STAT5A: variants seen among roughly 807,000 people sequenced by gnomAD.
STAT5A encodes epididymis secretory sperm binding protein.
STAT5A carries 26 observed loss-of-function variants against 100.2 expected under a neutral mutation model. The observed-to-expected ratio is 0.26, with a 90% confidence interval of 0.19 to 0.36. STAT5A has a LOEUF of 0.36. Ranked by LOEUF, STAT5A falls within the 10% of genes least tolerant of loss-of-function variation. The pLI, the probability that STAT5A is intolerant of heterozygous loss-of-function variation, is 1.00. For missense variants in STAT5A, 634 were observed against 1,027.5 expected, an observed-to-expected ratio of 0.62 and a Z score of 5.24; for synonymous variants, 330 against 424.3, an observed-to-expected ratio of 0.78 and a Z score of 2.73.
chr17:42,309,712 A>G (rs2081062379), intron 18 of STAT5A: 2 of 471,026 alleles, frequency 4.2e-6, no homozygotes, highest in Admixed American at 3.7e-5. Flanking sequence ...AGCCTCTCTG[A>G]TGCTCAAGTT....
intron 15 of STAT5A, among the ~76,000 whole-genome samples, chr17:42,307,942 G>A (rs2081045636): frequency 6.6e-6 from 1 of 152,202 alleles, no homozygotes. Context: ...GGCTGGGCGA[G>A]TCCTCCTGCA....
intron 13 of STAT5A, 79 bp from the exon 14 acceptor site, chr17:42,307,323 G>A (rs2081038281): frequency 7.0e-7 from 1 of 1,421,796 alleles, no homozygotes; most frequent in Non-Finnish European, 9.7e-7. Context: ...GACTGGGTGG[G>A]GGCAGGAGGG....
At chr17:42,307,906 G>T (rs2081045187) in intron 15 of STAT5A, among the ~76,000 whole-genome samples, 183 bp downstream of exon 15, 1 of 152,186 alleles carries the variant, frequency 6.6e-6, no homozygotes, top group South Asian at 2.1e-4. Flanking sequence ...AGAACCTGAA[G>T]TCCCCAGCCC....
Position 42,289,531 on chromosome 17 carries a change from C to A in STAT5A, c.120C>A (p.Ser40Arg). The A allele has an allele frequency of 1.2e-6, 2 of 1,612,676 alleles. No homozygotes were observed. The highest frequency in any genetic ancestry group is 1.7e-6 in the Non-Finnish European group (2 of 1,179,608). Residue 40 changes from serine (S) to arginine (R), a missense_variant, in exon 2 of 19, where the codon AGC becomes AGA. Physicochemically the swap from Ser to Arg is moderately radical, Grantham distance 110. Coordinates refer to ENST00000590949, the MANE Select transcript of STAT5A (RefSeq NM_001288718.2). ...ACTACTTGGCCCAGTGGATTGAGAGCCAGCCATGGTAGGCACGTCCCGCCC... is the reference window on the plus strand; with the variant it reads ...ACTACTTGGCCCAGTGGATTGAGAGACAGCCATGGTAGGCACGTCCCGCCC... ...VRHYLAQWIESQPWDAIDLDN... is the reference protein window; with the variant it reads ...VRHYLAQWIERQPWDAIDLDN...
intron 4 of STAT5A, among the ~76,000 whole-genome samples, chr17:42,293,189 C>A (rs933699343): frequency 6.6e-6 from 1 of 151,066 alleles, no homozygotes; most frequent in Non-Finnish European, 1.5e-5. Flanking sequence ...TTTATTATTT[C>A]TTTCTTTATT....
At chr17:42,299,608 C>G in intron 5 of STAT5A, 143 bp from the exon 6 acceptor site, 3 of 1,398,136 alleles carry the variant, frequency 2.1e-6, no homozygotes. Context: ...CTTGGCCCCC[C>G]TGGCTGTCAG....
chr17:42,300,984 C>T, intron 8 of STAT5A, 114 bp downstream of exon 8: 2 of 1,559,128 alleles, frequency 1.3e-6, no homozygotes, highest in East Asian at 2.4e-5. Context: ...TCATCCCTCC[C>T]AACTCCATCT....
upstream of STAT5A, chr17:42,287,593 G>A (rs2080825738): frequency 6.6e-6 from 1 of 152,366 alleles, no homozygotes; most frequent in Admixed American, 6.5e-5. Context: ...GAGTTTCGAA[G>A]TTAGGAGGAC....
At chr17:42,307,784 G>A (rs1443253078) in intron 15 of STAT5A, 61 bp downstream of exon 15, 10 of 1,584,266 alleles carry the variant, frequency 6.3e-6, no homozygotes, top group South Asian at 3.5e-5. Flanking sequence ...CCCTTGCCCC[G>A]CCACCCCACC....
intron 2 of STAT5A, 91 bp from the exon 3 acceptor site, chr17:42,289,775 T>C: frequency 6.9e-7 from 1 of 1,441,762 alleles, no homozygotes; most frequent in South Asian, 1.5e-5. Flanking sequence ...CCCTCGGTCA[T>C]GAGCCTGGGG....
Position 42,307,451 on chromosome 17 carries a change from T to C in STAT5A, c.1730T>C (p.Val577Ala), listed in dbSNP as rs1340409838. Residue 577 changes from valine (V) to alanine (A), a missense_variant, in exon 14 of 19, where the codon GTG (valine) becomes GCG (alanine). Around this residue, in one of 5 missense-constraint regions of STAT5A, gnomAD observed 210 missense variants for 428.4 expected, o/e 0.49. Coordinates refer to ENST00000590949, the MANE Select transcript of STAT5A (RefSeq NM_001288718.2). ...ACCTTCTGGCAGTGGTTTGACGGGG[T>C]GATGGAGGTGTTGAAGAAGCACCAC... The part of the protein sequence containing the change: ...NYTFWQWFDG[V>A]MEVLKKHHKP... 2 of 1,613,486 alleles carry C rather than the reference T, an allele frequency of 1.2e-6. No individual in the cohort carries two copies. Among genetic ancestry groups the C allele is most frequent in the Non-Finnish European group, 1.7e-6 (2 of 1,179,904 alleles).
At chr17:42,292,850 G>A (rs916858261) in intron 4 of STAT5A, among the ~76,000 whole-genome samples, 6 of 149,824 alleles carry the variant, frequency 4.0e-5, no homozygotes, top group Non-Finnish European at 8.9e-5. Context: ...GGCTGGTCTT[G>A]AACTCCTGAC....
At chr17:42,293,396 G>C (rs2080889752) in intron 4 of STAT5A, among the ~76,000 whole-genome samples, 1 of 152,138 alleles carries the variant, frequency 6.6e-6, no homozygotes, top group Admixed American at 6.5e-5. Flanking sequence ...GTAGAGACAG[G>C]GTTTCACCCT....
rs764593437 is a variant in STAT5A at position 42,299,746 on chromosome 17, T to C, written c.551-5T>C. 3.7e-6 allele frequency: 6 copies of C among 1,614,198 alleles called. No individual in the cohort carries two copies. The South Asian group carries it at 6.6e-5, about 18-fold the overall frequency. ...ATGGTCATGGTTTCCTCTTCTCTCCTCTAGCTCAGTTTGCCCAGCTGGCCC... is the reference window on the plus strand; with the variant it reads ...ATGGTCATGGTTTCCTCTTCTCTCCCCTAGCTCAGTTTGCCCAGCTGGCCC... On this transcript the variant is annotated splice_polypyrimidine_tract_variant and splice_region_variant and intron_variant, in intron 5 of 18. Coordinates refer to ENST00000590949, the MANE Select transcript of STAT5A (RefSeq NM_001288718.2).
chr17:42,288,322 C>T (rs1408571595), upstream of STAT5A: 1 of 152,166 alleles, frequency 6.6e-6, no homozygotes, highest in African/African-American at 2.4e-5. This position sits in a 1 kb window ranked among gnomAD's most constrained non-coding sequence, Gnocchi z 4.8. Context: ...CGGCGCCGCC[C>T]GCCGGGAACG....
intron 1 of STAT5A, 104 bp from the exon 2 acceptor site, chr17:42,289,298 G>A: frequency 7.5e-7 from 1 of 1,328,888 alleles, no homozygotes; most frequent in African/African-American, 1.5e-5. Context: ...GGAGGGGCCT[G>A]GCCTGGCCGC....
At chr17:42,290,632 A>AG (rs2080861039) in intron 3 of STAT5A, among the ~76,000 whole-genome samples, 1 of 152,076 alleles carries the variant, frequency 6.6e-6, no homozygotes, top group Non-Finnish European at 1.5e-5. Context: ...ATCCCAGAAG[A>AG]GGGGGAAAAC....
Position 42,308,768 on chromosome 17 carries a change from T to C in STAT5A, c.2063-279T>C, listed in dbSNP as rs1240726270. ...CTGCCCCAAATCCATTGGTTGGGTTTGCTTGTTGATTCTCATTCTTTGACA... is the reference window on the plus strand; with the variant it reads ...CTGCCCCAAATCCATTGGTTGGGTTCGCTTGTTGATTCTCATTCTTTGACA... On this transcript the variant is annotated intron_variant, in intron 16 of 18. Transcript: ENST00000590949. This position sits in a 1 kb window ranked among gnomAD's most constrained non-coding sequence, Gnocchi z 4.6. 2.1e-5 allele frequency: 11 copies of C among 532,828 alleles called. No homozygotes were observed. Among genetic ancestry groups the C allele is most frequent in the African/African-American group, 1.9e-4 (10 of 52,434 alleles). 33.0% of individuals were successfully genotyped at this position (532,828 alleles called of 1,614,324 possible). A position where few individuals can be genotyped will look rare whatever the true frequency, so the allele number is the denominator to read the frequency against.
chr17:42,306,052 C>A, intron 12 of STAT5A, 189 bp from the exon 13 acceptor site: 1 of 995,166 alleles, frequency 1.0e-6, no homozygotes, highest in Non-Finnish European at 1.5e-6. Flanking sequence ...CGGTTTTCTT[C>A]CCTGCAGGCT....
Sources: gnomAD v4.1 joint callset for allele counts (sites outside exome capture counted in the v4.1 genomes callset) on GRCh38, gnomAD v4.1.1 for gene constraint, gnomAD v4.1.1 regional missense constraint, Gnocchi (gnomAD v3.1) non-coding constraint, MANE v1.5 for transcripts, NCBI Gene and HGNC (gene_info 2026-07-23, HGNC 2026-07-21) for gene names.